The following CHD5 variants were observed in gnomAD, a reference collection of about 807,000 sequenced individuals.
The protein encoded by CHD5 is ATP-dependent chromatin remodeler CHD5.
CHD5 carries 69 observed loss-of-function variants against 230.3 expected under a neutral mutation model. The observed-to-expected ratio is 0.30, with a 90% CI of 0.25 to 0.37. The LOEUF (loss-of-function observed/expected upper bound fraction) is 0.37, where lower values mean the gene tolerates loss of function less well. Among genes scored for constraint, CHD5 ranks in the 10% least tolerant of loss-of-function variants. The pLI is 1.00. For missense variants in CHD5, 1,827 were observed against 2,622.8 expected, an observed-to-expected ratio of 0.70 and a Z score of 6.63; for synonymous variants, 1,064 against 1,065.9, an observed-to-expected ratio of 1.00 and a Z score of 0.03.
intron 9 of CHD5, 127 bp downstream of exon 9, chr1:6,148,727 G>C (rs574967653): frequency 1.5e-6 from 1 of 664,932 alleles, no homozygotes; most frequent in Non-Finnish European, 2.3e-6. Context: ...TTGCGGGATC[G>C]GCTACCGAGG....
intron 33 of CHD5, among the ~76,000 whole-genome samples, chr1:6,120,479 G>A (rs1213474015): frequency 6.9e-6 from 1 of 144,556 alleles, no homozygotes; most frequent in Non-Finnish European, 1.5e-5. Flanking sequence ...GACCAGCCCA[G>A]CCAACAGTCT....
At chr1:6,123,351 G>C (rs2100841178) in intron 31 of CHD5, among the ~76,000 whole-genome samples, 1 of 152,286 alleles carries the variant, frequency 6.6e-6, no homozygotes, top group East Asian at 1.9e-4. Context: ...TTCTTTTTCA[G>C]GGGGAATGAA....
chr1:6,180,073 C>T lies in CHD5; in HGVS notation c.-50G>A. ...TGGGCGCCCCCCCTCCCGCCGGGCGCGGTGCCAGCCTTAACCCGTGCGCTG... is the reference window on the plus strand; with the variant it reads ...TGGGCGCCCCCCCTCCCGCCGGGCGTGGTGCCAGCCTTAACCCGTGCGCTG... On this transcript the variant is annotated 5_prime_UTR_variant, in exon 1 of 42. Transcript: ENST00000262450. 2 of 1,072,460 alleles carry T rather than the reference C, an allele frequency of 1.9e-6. No homozygotes were observed. The highest frequency in any genetic ancestry group is 2.4e-5 in the South Asian group (1 of 41,192). The allele number at this position is 1,072,460 out of a possible 1,614,324, so 66.4% of individuals were successfully genotyped here. A position where few individuals can be genotyped will look rare whatever the true frequency, so the allele number is the denominator to read the frequency against.
At position 6,146,284 on chromosome 1, in the gene CHD5, T is replaced by C. The variant is rs1479697309; in HGVS notation, c.1730A>G (p.Lys577Arg). ...ATAGCGGTAGAAGCGCTCCTCCATC[T>C]TGGCATAGAGGGGGTCCTTGTTCTT... ...KRKNKDPLYA[K>R]MEERFYRYGI... Residue 577 changes from lysine to arginine, a missense_variant, in exon 11 of 42, where the codon AAG becomes AGG. Around this residue, in one of 14 missense-constraint regions of CHD5, gnomAD observed 657 missense variants for 816.4 expected, o/e 0.80. Coordinates refer to ENST00000262450, the MANE Select transcript of CHD5 (RefSeq NM_015557.3). The surrounding 1 kb of genome is among the most constrained non-coding windows in gnomAD (Gnocchi z 5.1). 2 of 1,614,086 alleles carry C rather than the reference T, an allele frequency of 1.2e-6. No homozygotes were observed. The highest frequency in any genetic ancestry group is 2.7e-5 in the African/African-American group (2 of 74,938).
At position 6,142,669 on chromosome 1, in the gene CHD5, G is replaced by GC. The variant is rs1666847182; in HGVS notation, c.2044-65dup. The GC allele has an allele frequency of 4.7e-6, 7 of 1,497,368 alleles. No individual in the cohort carries two copies. In the East Asian group the frequency reaches 1.6e-4, roughly 34 times the overall value. 92.8% of individuals were successfully genotyped at this position (1,497,368 alleles called of 1,614,324 possible). On this transcript the variant is annotated intron_variant, in intron 13 of 41. Coordinates refer to ENST00000262450, the MANE Select transcript of CHD5 (RefSeq NM_015557.3). The surrounding 1 kb of genome is among the most constrained non-coding windows in gnomAD (Gnocchi z 5.2). The stretch of plus-strand genomic sequence containing the variant: ...TGGGCCACCAGAGTCCACACTACAG[G>GC]CCTTTGCACATGCAATTCCTTCTGC...
Position 6,134,603 on chromosome 1 carries a change from T to A in CHD5, c.3012+115A>T. 1 of 1,144,200 alleles carries A rather than the reference T, an allele frequency of 8.7e-7. No individual in the cohort carries two copies. The highest frequency in any genetic ancestry group is 1.3e-6 in the Non-Finnish European group (1 of 773,036). 70.9% of individuals were successfully genotyped at this position (1,144,200 alleles called of 1,614,324 possible). A position where few individuals can be genotyped will look rare whatever the true frequency, so the allele number is the denominator to read the frequency against. On this transcript the variant is annotated intron_variant, in intron 19 of 41. Transcript: ENST00000262450. The surrounding 1 kb of genome is among the most constrained non-coding windows in gnomAD (Gnocchi z 6.3). ...AAACCTACCATGACAGCCACAGAAA[T>A]CGCCACAATGGCCAGGAGAACCTAT...
chr1:6,174,695 G>GTGGATGGA (rs1194464617), intron 1 of CHD5, among the ~76,000 whole-genome samples: 1 of 149,570 alleles, frequency 6.7e-6, no homozygotes, highest in African/African-American at 2.5e-5. Context: ...TGGTGGATGG[G>GTGGATGGA]TGGATGGATG....
chr1:6,120,657 T>C (rs1002728153), intron 33 of CHD5, among the ~76,000 whole-genome samples: 4 of 151,902 alleles, frequency 2.6e-5, no homozygotes, highest in Non-Finnish European at 2.9e-5. Flanking sequence ...CAAAAATTAG[T>C]TGGGTGTGGT....
chr1:6,110,928 G>GT (rs1314803945), intron 36 of CHD5, among the ~76,000 whole-genome samples: 1 of 152,008 alleles, frequency 6.6e-6, no homozygotes, highest in Non-Finnish European at 1.5e-5. Context: ...TGGGATGCTT[G>GT]TAAGAAGAGG....
chr1:6,128,980 C>A lies in CHD5; in HGVS notation c.3477G>T (p.Thr1159=). 1 of 1,612,468 alleles carries A rather than the reference C, an allele frequency of 6.2e-7. No individual in the cohort carries two copies. The highest frequency in any genetic ancestry group is 8.5e-7 in the Non-Finnish European group (1 of 1,179,954). The stretch of plus-strand genomic sequence containing the variant: ...GCATCATCTTGCGCTTGGCCACCTG[C>A]GTGATGCGCTCCTCCACCGAGGCCC... The part of the protein sequence containing the change: ...VTRASVEERI[T]QVAKRKMMLT... Residue 1159 remains threonine (T), a synonymous_variant, in exon 23 of 42, where the codon ACG becomes ACT. Transcript: ENST00000262450. This position sits in a 1 kb window ranked among gnomAD's most constrained non-coding sequence, Gnocchi z 7.8.
rs979241658 is a variant in CHD5, at chr1:6,121,299, G to T, written c.4780-62C>A. The T allele has an allele frequency of 6.3e-6, 10 of 1,578,920 alleles. No individual in the cohort carries two copies. Among genetic ancestry groups the T allele is most frequent in the Non-Finnish European group, 8.6e-6 (10 of 1,162,950 alleles). On this transcript the variant is annotated intron_variant, in intron 32 of 41. Transcript: ENST00000262450. This position sits in a 1 kb window ranked among gnomAD's most constrained non-coding sequence, Gnocchi z 4.5. The stretch of plus-strand genomic sequence containing the variant: ...GGCCTCACCAGGAACGGAGGGCGGG[G>T]AACGTGCGCTGGGCTGGGAACCCAG...
Position 6,125,301 on chromosome 1 carries a change from G to A in CHD5, c.4261-68C>T. On this transcript the variant is annotated intron_variant, in intron 28 of 41. Transcript: ENST00000262450. This position sits in a 1 kb window ranked among gnomAD's most constrained non-coding sequence, Gnocchi z 6.7. ...GGGTGGGGGTGGAGGATTCTGGGAT[G>A]GGGGAAGAAAAGCATGGGAGGAGGA... The A allele has an allele frequency of 6.7e-7, 1 of 1,493,178 alleles. No individual in the cohort carries two copies. Among genetic ancestry groups the A allele is most frequent in the Non-Finnish European group, 9.0e-7 (1 of 1,109,044 alleles). The allele number at this position is 1,493,178 out of a possible 1,614,324, so 92.5% of individuals were successfully genotyped here.
rs774555915 is a variant in CHD5 at position 6,177,451 on chromosome 1, G to A, written c.79+2494C>T. The stretch of plus-strand genomic sequence containing the variant: ...CAGGTGCTGGGCATGGCAGGTTATC[G>A]AGAGTTACATTCGAAGGGGAACCCA... On this transcript the variant is annotated intron_variant, in intron 1 of 41. Coordinates refer to ENST00000262450, the MANE Select transcript of CHD5 (RefSeq NM_015557.3). 1.6e-4 allele frequency among the ~76,000 whole-genome samples: 24 copies of A among 152,332 alleles called. No individual in the cohort carries two copies. In the East Asian group the frequency reaches 2.5e-3, roughly 16 times the overall value.
rs554284427 is a variant in CHD5, at chr1:6,143,911, T to C, written c.1955A>G (p.Asp652Gly). The change falls in exon 13 of 42, where the codon GAC becomes GGC. Residue 652 changes from aspartate to glycine, a missense_variant. Asp to Gly is a moderately conservative substitution (Grantham distance 94). Coordinates refer to ENST00000262450, the MANE Select transcript of CHD5 (RefSeq NM_015557.3). ...GAGCAGCCTCTTGGGCAGCCTGGTG[T>C]CTTCTCCCAGCATCAGCTCCCTGGG... is the stretch of plus-strand genomic sequence containing the variant. ...WGHRELMLGE[D>G]TRLPKRLLKK... 6.2e-7 allele frequency: 1 copy of C among 1,613,954 alleles called. No individual in the cohort carries two copies. The highest frequency in any genetic ancestry group is 8.5e-7 in the Non-Finnish European group (1 of 1,180,008).
chr1:6,151,195 C>T, intron 6 of CHD5, 40 bp from the exon 7 acceptor site: 14 of 1,570,774 alleles, frequency 8.9e-6, no homozygotes, highest in Non-Finnish European at 1.2e-5. Flanking sequence ...CAGGGCTTCA[C>T]CCAGAAGGCT....
intron 38 of CHD5, among the ~76,000 whole-genome samples, chr1:6,108,891 T>C (rs991082143): frequency 7.0e-6 from 1 of 142,410 alleles, no homozygotes; most frequent in African/African-American, 2.6e-5. Context: ...GGAGGGATGA[T>C]GGAGGGGTGG....
Position 6,125,222 on chromosome 1 carries a change from G to A in CHD5, c.4272C>T (p.Phe1424=), listed in dbSNP as rs993127014. ...GAAAGGCCTTCCGCTGTCGGGCATTGAAGCCCAGCACCTGGGCGAGTGGAG... is the reference window on the plus strand; with the variant it reads ...GAAAGGCCTTCCGCTGTCGGGCATTAAAGCCCAGCACCTGGGCGAGTGGAG... ...RVGGNIEVLG[F]NARQRKAFLN... is the part of the protein sequence containing the mutation. Residue 1424 remains phenylalanine, a synonymous_variant, in exon 29 of 42, where the codon TTC becomes TTT. Transcript: ENST00000262450. This position sits in a 1 kb window ranked among gnomAD's most constrained non-coding sequence, Gnocchi z 6.7. 3 of 1,603,716 alleles carry A rather than the reference G, an allele frequency of 1.9e-6. No individual in the cohort carries two copies. The African/African-American group carries it at 4.0e-5, about 21-fold the overall frequency.
rs757030339 is a variant in CHD5, at chr1:6,101,916, C to T, written c.*3558G>A. 1.4e-4 allele frequency: 49 copies of T among 343,484 alleles called. No individual in the cohort carries two copies. Among genetic ancestry groups the T allele is most frequent in the South Asian group, 9.3e-4 (47 of 50,568 alleles). The allele number at this position is 343,484 out of a possible 1,614,324, so 21.3% of individuals were successfully genotyped here. ...CCGTGGGCGAAGACCAGACAAGCCA[C>T]GGCTCACAGGGGAGCCTGGCTTCCA... On this transcript the variant is annotated 3_prime_UTR_variant, in exon 42 of 42. Coordinates refer to ENST00000262450, the MANE Select transcript of CHD5 (RefSeq NM_015557.3).
rs558519649 is a variant in CHD5 at position 6,144,350 on chromosome 1, AG to A, written c.1803-196del. On this transcript the variant is annotated intron_variant, in intron 11 of 41. Coordinates refer to ENST00000262450, the MANE Select transcript of CHD5 (RefSeq NM_015557.3). ...TGCCTGGGGCCACACAGCGAATGAG[AG>A]GGGGATGTGGCAGAGCTGGAGAGGG... 1.6e-4 allele frequency among the ~76,000 whole-genome samples: 24 copies of A among 152,248 alleles called. No homozygotes were observed. In the South Asian group the frequency reaches 5.0e-3, roughly 32 times the overall value.
Sources: allele counts gnomAD v4.1 joint callset (sites outside exome capture counted in the v4.1 genomes callset), GRCh38; gene constraint gnomAD v4.1.1; regional missense constraint gnomAD v4.1.1; non-coding constraint Gnocchi (gnomAD v3.1); transcripts MANE v1.5; gene names NCBI Gene and HGNC (gene_info 2026-07-23, HGNC 2026-07-21).